Variants in INPP4B observed in about 807,000 individuals in gnomAD.
INPP4B encodes the protein inositol polyphosphate 4-phosphatase type II.
In INPP4B, 55 loss-of-function variants were observed where a neutral mutation model predicts 122.5. The observed-to-expected ratio is 0.45, with a 90% CI of 0.36 to 0.56. INPP4B has a LOEUF of 0.56. INPP4B is among the 20% of genes least tolerant of loss of function. The pLI, the probability that INPP4B is intolerant of heterozygous loss-of-function variation, is 0.00. For missense variants in INPP4B, 1,000 were observed against 1,097.7 expected, an observed-to-expected ratio of 0.91 and a Z score of 1.26; for synonymous variants, 403 against 388.7, an observed-to-expected ratio of 1.04 and a Z score of -0.43.
intron 11 of INPP4B, among the ~76,000 whole-genome samples, chr4:142,249,714 C>T (rs1365481557): frequency 6.6e-6 from 1 of 152,120 alleles, no homozygotes; most frequent in Non-Finnish European, 1.5e-5. Flanking sequence ...GTTGAAAAAC[C>T]TAGGCTTTAA....
In INPP4B at chr4:142,499,925, T is replaced by TACA. The variant is rs1823150531; in HGVS notation, c.-190-37202_-190-37200dup. ...AAACCCTATCACTATCACTCCGTAATACAACCGTCGCTGAAAACACTAATG... is the reference window on the plus strand; with the variant it reads ...AAACCCTATCACTATCACTCCGTAATACAACAACCGTCGCTGAAAACACTAATG... On this transcript the variant is annotated intron_variant, in intron 2 of 25. Coordinates refer to ENST00000262992, the MANE Select transcript of INPP4B (RefSeq NM_001101669.3). Among the ~76,000 whole-genome samples, 3 of 152,292 alleles carry TACA rather than the reference T, an allele frequency of 2.0e-5. No homozygotes were observed. The South Asian group carries it at 6.2e-4, about 32-fold the overall frequency.
At position 142,365,915 on chromosome 4, in the gene INPP4B, G is replaced by A. The variant is rs188038497; in HGVS notation, c.372+37023C>T. ...TAATTCAATAATAATTTTAAAAAGC[G>A]TTTTCTCAAAACGAAATGGTGGTAA... is the stretch of plus-strand genomic sequence containing the variant. On this transcript the variant is annotated intron_variant, in intron 7 of 25. Transcript: ENST00000262992. Among the ~76,000 whole-genome samples the A allele has an allele frequency of 7.6e-4, 115 of 152,022 alleles. 2 individuals carry two copies. Among genetic ancestry groups the A allele is most frequent in the Admixed American group, 7.2e-3 (110 of 15,246 alleles).
intron 2 of INPP4B, among the ~76,000 whole-genome samples, chr4:142,484,336 A>C (rs1332279139): frequency 6.6e-6 from 1 of 152,114 alleles, no homozygotes; most frequent in African/African-American, 2.4e-5. Flanking sequence ...GGAAATATAC[A>C]TGCATATAAA....
chr4:142,115,596 C>A (rs1392971986), intron 21 of INPP4B, among the ~76,000 whole-genome samples: 1 of 152,142 alleles, frequency 6.6e-6, no homozygotes, highest in Non-Finnish European at 1.5e-5. Context: ...AAATCTTTTA[C>A]AGACAAGCAA....
intron 24 of INPP4B, among the ~76,000 whole-genome samples, chr4:142,083,977 C>G (rs1306841540): frequency 6.6e-6 from 1 of 152,218 alleles, no homozygotes; most frequent in South Asian, 2.1e-4. Context: ...GGTAAGGGCA[C>G]TTCCATCAGA....
chr4:142,837,539 T>C (rs576577926), intron 1 of INPP4B, among the ~76,000 whole-genome samples: 1 of 152,286 alleles, frequency 6.6e-6, no homozygotes, highest in South Asian at 2.1e-4. Context: ...CTTTATGTTG[T>C]TGCAAAGAGT....
chr4:142,647,421 A>T (rs191656421), intron 2 of INPP4B, among the ~76,000 whole-genome samples: 2 of 152,324 alleles, frequency 1.3e-5, no homozygotes, highest in Admixed American at 1.3e-4. Context: ...TGGTACAAGA[A>T]GATAGAGGGC....
intron 7 of INPP4B, among the ~76,000 whole-genome samples, chr4:142,330,255 C>T (rs1483341553): frequency 1.3e-5 from 2 of 151,972 alleles, no homozygotes; most frequent in African/African-American, 2.4e-5. Flanking sequence ...TAAAACAAAC[C>T]CCTTCTTTCT....
intron 11 of INPP4B, among the ~76,000 whole-genome samples, chr4:142,257,395 G>C (rs1736850480): frequency 6.6e-6 from 1 of 152,098 alleles, no homozygotes; most frequent in African/African-American, 2.4e-5. Context: ...TATTCAATTA[G>C]GAAAAGAGGA....
At chr4:142,115,750 CAACT>C (rs1295214175) in intron 21 of INPP4B, among the ~76,000 whole-genome samples, 3 of 152,136 alleles carry the variant, frequency 2.0e-5, no homozygotes, top group Non-Finnish European at 4.4e-5. Context: ...GAAACTGCAT[CAACT>C]AACAAGCAAA....
chr4:142,478,892 C>A (rs1820144801), intron 2 of INPP4B, among the ~76,000 whole-genome samples: 1 of 152,036 alleles, frequency 6.6e-6, no homozygotes, highest in South Asian at 2.1e-4. Flanking sequence ...ACTATAAAAA[C>A]CCTGGAGGAT....
rs114143289 is a variant in INPP4B at position 142,602,395 on chromosome 4, A to G, written c.-191+123444T>C. Among the ~76,000 whole-genome samples, 1,297 of 152,330 alleles carry G rather than the reference A, an allele frequency of 8.5e-3. 14 individuals are homozygous for G. Among genetic ancestry groups the G allele is most frequent in the African/African-American group, 0.027 (1,140 of 41,578 alleles). On this transcript the variant is annotated intron_variant, in intron 2 of 25. Coordinates refer to ENST00000262992, the MANE Select transcript of INPP4B (RefSeq NM_001101669.3). ...AAGAATCAATATTGTAAAAATGGCA[A>G]TACTTTCCAAAATAATTTATGGATT...
At chr4:142,739,655 C>T (rs1000379720) in intron 1 of INPP4B, among the ~76,000 whole-genome samples, 17 of 151,762 alleles carry the variant, frequency 1.1e-4, no homozygotes, top group African/African-American at 3.6e-4. Flanking sequence ...GAAAGAGGAA[C>T]ATTAAGAGCC....
intron 2 of INPP4B, among the ~76,000 whole-genome samples, chr4:142,643,507 CCTG>C (rs764455817): frequency 3.1e-4 from 47 of 152,230 alleles, no homozygotes; most frequent in Non-Finnish European, 5.4e-4. Context: ...GCAATCTTGA[CCTG>C]ATGATGGTTG....
intron 25 of INPP4B, among the ~76,000 whole-genome samples, chr4:142,034,634 C>T (rs1742680743): frequency 2.0e-5 from 3 of 152,066 alleles, no homozygotes; most frequent in Non-Finnish European, 4.4e-5. Flanking sequence ...TGCTAGTCTA[C>T]CTTCATACAC....
chr4:142,260,904 T>G (rs1739652440), intron 10 of INPP4B, among the ~76,000 whole-genome samples: 1 of 152,246 alleles, frequency 6.6e-6, no homozygotes, highest in African/African-American at 2.4e-5. Flanking sequence ...TTCTTTCACC[T>G]GAGCTAATTT....
chr4:142,220,079 T>C (rs958918094), intron 12 of INPP4B, among the ~76,000 whole-genome samples: 1 of 152,212 alleles, frequency 6.6e-6, no homozygotes, highest in Non-Finnish European at 1.5e-5. Flanking sequence ...ACAATATCAC[T>C]CTACACAAAT....
At chr4:142,472,742 G>T (rs1466567623) in intron 2 of INPP4B, among the ~76,000 whole-genome samples, 1 of 152,054 alleles carries the variant, frequency 6.6e-6, no homozygotes, top group Non-Finnish European at 1.5e-5. Context: ...CTAAATCAGA[G>T]GCACTGTATC....
chr4:142,765,756 C>T (rs949663189), intron 1 of INPP4B: 4 of 151,850 alleles, frequency 2.6e-5, no homozygotes, highest in African/African-American at 4.8e-5. Flanking sequence ...GAACTAAAAT[C>T]CAGCATTATT....
Sources: gnomAD v4.1 joint callset for allele counts (sites outside exome capture counted in the v4.1 genomes callset) on GRCh38, gnomAD v4.1.1 for gene constraint, MANE v1.5 for transcripts, NCBI Gene and HGNC (gene_info 2026-07-23, HGNC 2026-07-21) for gene names.